FMN2: variants seen among roughly 807,000 people sequenced by gnomAD.
FMN2 encodes the protein formin-2.
Under a neutral mutation model 142.3 loss-of-function variants are expected in FMN2, and 51 were observed. That is an observed-to-expected ratio of 0.36 (90% confidence interval 0.29 to 0.45). The LOEUF (loss-of-function observed/expected upper bound fraction) is 0.45, where lower values mean the gene tolerates loss of function less well. Ranked by LOEUF, FMN2 falls within the 20% of genes least tolerant of loss-of-function variation. FMN2 has a pLI of 1.00. For synonymous variants in FMN2, 882 were observed against 869.8 expected, an observed-to-expected ratio of 1.01 and a Z score of -0.25; for missense variants, 1,936 against 2,122.8, an observed-to-expected ratio of 0.91 and a Z score of 1.73.
intron 11 of FMN2, among the ~76,000 whole-genome samples, chr1:240,332,455 T>C (rs1294351322): frequency 2.0e-5 from 3 of 152,092 alleles, no homozygotes; most frequent in African/African-American, 7.2e-5. Flanking sequence ...AAACAACTTT[T>C]GCAAATAACA....
chr1:240,177,530 A>G (rs1352104947), intron 2 of FMN2, among the ~76,000 whole-genome samples: 1 of 152,028 alleles, frequency 6.6e-6, no homozygotes, highest in Non-Finnish European at 1.5e-5. Context: ...TGACATTCCC[A>G]CAAGTATATA....
At chr1:240,219,848 G>C (rs541550015) in intron 6 of FMN2, among the ~76,000 whole-genome samples, 1 of 151,858 alleles carries the variant, frequency 6.6e-6, no homozygotes, top group Non-Finnish European at 1.5e-5. Context: ...TTGTAGGGAC[G>C]GGGAGTCGCC....
intron 16 of FMN2, among the ~76,000 whole-genome samples, chr1:240,439,105 T>G (rs188764654): frequency 5.6e-4 from 85 of 152,056 alleles, no homozygotes; most frequent in Non-Finnish European, 4.4e-4. Context: ...AAACCCTGTC[T>G]GTACTAAAAG....
intron 14 of FMN2, among the ~76,000 whole-genome samples, chr1:240,380,879 C>T (rs1050465785): frequency 3.3e-5 from 5 of 151,928 alleles, no homozygotes; most frequent in African/African-American, 1.2e-4. Flanking sequence ...AAAATAAGCA[C>T]AATCAGAAAT....
At chr1:240,284,858 A>G (rs1001041232) in intron 7 of FMN2, among the ~76,000 whole-genome samples, 1 of 152,114 alleles carries the variant, frequency 6.6e-6, no homozygotes, top group African/African-American at 2.4e-5. Flanking sequence ...CAAGTGCTTT[A>G]TATCTGGCAG....
chr1:240,431,399 G>A (rs1675165588), intron 15 of FMN2, among the ~76,000 whole-genome samples: 1 of 61,354 alleles, frequency 1.6e-5, no homozygotes, highest in African/African-American at 6.2e-5. Context: ...ATACAACCAT[G>A]TTTTATATAT....
chr1:240,366,410 A>G (rs182247674), intron 14 of FMN2, among the ~76,000 whole-genome samples: 4 of 152,330 alleles, frequency 2.6e-5, no homozygotes, highest in African/African-American at 7.2e-5. Context: ...CCCTGCTGCA[A>G]CTTAGTTTTT....
At chr1:240,260,538 A>G (rs1359667226) in intron 7 of FMN2, among the ~76,000 whole-genome samples, 1 of 151,876 alleles carries the variant, frequency 6.6e-6, no homozygotes, top group African/African-American at 2.4e-5. Context: ...TTTGTTGGCC[A>G]TTTGTATATC....
At chr1:240,192,755 C>T (rs1665753197) in intron 4 of FMN2, among the ~76,000 whole-genome samples, 1 of 151,898 alleles carries the variant, frequency 6.6e-6, no homozygotes, top group Admixed American at 6.6e-5. Flanking sequence ...GAAGAGAAGA[C>T]AGGATACCCT....
At chr1:240,436,542 T>C in intron 15 of FMN2, among the ~76,000 whole-genome samples, 1 of 152,018 alleles carries the variant, frequency 6.6e-6, no homozygotes, top group South Asian at 2.1e-4. Flanking sequence ...CCGGGCATGG[T>C]GGCAGGCACC....
In FMN2 at chr1:240,173,259, C is replaced by T. The variant is rs532746927; in HGVS notation, c.1783-4662C>T. 3.3e-4 allele frequency among the ~76,000 whole-genome samples: 50 copies of T among 152,244 alleles called. 1 individual carries two copies. In the South Asian group the frequency reaches 1.0e-2, roughly 30 times the overall value. Reference sequence around the variant, plus strand: ...CCTCAAGTGGCTTTTATGTAGTCATCATAGCACTGTCCAGAGCTAGGGGAG... The same window carrying T: ...CCTCAAGTGGCTTTTATGTAGTCATTATAGCACTGTCCAGAGCTAGGGGAG... On this transcript the variant is annotated intron_variant, in intron 2 of 17. Transcript: ENST00000319653.
At chr1:240,311,818 C>A (rs756615266) in intron 8 of FMN2, among the ~76,000 whole-genome samples, 4 of 152,066 alleles carry the variant, frequency 2.6e-5, no homozygotes, top group Admixed American at 6.6e-5. Context: ...ATATGTCGTT[C>A]CTGTTATTTT....
At chr1:240,322,723 C>T (rs994656842) in intron 8 of FMN2, among the ~76,000 whole-genome samples, 2 of 152,122 alleles carry the variant, frequency 1.3e-5, no homozygotes, top group African/African-American at 4.8e-5. Context: ...TGGAAGGGCA[C>T]TGTGGGGGAT....
chr1:240,446,735 G>A lies in FMN2; in HGVS notation c.5060+8525G>A, dbSNP rs549331216. On this transcript the variant is annotated intron_variant, in intron 16 of 17. Transcript: ENST00000319653. ...CAAATTAACAAATTGTTAGGTTTGC[G>A]TGGACTTCTGCTAGAGCCTGGATTT... Among the ~76,000 whole-genome samples the A allele has an allele frequency of 3.9e-5, 6 of 152,212 alleles. No homozygotes were observed. The East Asian group carries it at 5.8e-4, about 15-fold the overall frequency.
At position 240,351,345 on chromosome 1, in the gene FMN2, G is replaced by A. The variant is rs563605730; in HGVS notation, c.4766-4471G>A. ...GCCCAGAAGCAATAAGAATGCACATGACTTGAAACACCCAGACACTGGACA... is the reference window on the plus strand; with the variant it reads ...GCCCAGAAGCAATAAGAATGCACATAACTTGAAACACCCAGACACTGGACA... On this transcript the variant is annotated intron_variant, in intron 13 of 17. Coordinates refer to ENST00000319653, the MANE Select transcript of FMN2 (RefSeq NM_020066.5). 2.0e-5 allele frequency among the ~76,000 whole-genome samples: 3 copies of A among 152,262 alleles called. No individual in the cohort carries two copies. In the South Asian group the frequency reaches 6.2e-4, roughly 32 times the overall value.
In FMN2 at chr1:240,357,733, G is replaced by A. The variant is rs191427687; in HGVS notation, c.4858+1825G>A. ...AGTGATTCTCCTGCCTCAGCCTCCC[G>A]AGTAGCTGCAATTACAGGCACCCGC... On this transcript the variant is annotated intron_variant, in intron 14 of 17. Coordinates refer to ENST00000319653, the MANE Select transcript of FMN2 (RefSeq NM_020066.5). Among the ~76,000 whole-genome samples the A allele has an allele frequency of 5.5e-3, 830 of 150,948 alleles. 7 individuals carry two copies. The highest frequency in any genetic ancestry group is 0.02 in the African/African-American group (800 of 41,008).
chr1:240,263,108 C>T (rs528300363), intron 7 of FMN2, among the ~76,000 whole-genome samples: 5 of 152,250 alleles, frequency 3.3e-5, no homozygotes, highest in East Asian at 1.9e-4. Flanking sequence ...ACTACCAGAT[C>T]GAACTGAAGC....
intron 7 of FMN2, among the ~76,000 whole-genome samples, chr1:240,267,169 G>A (rs927882804): frequency 6.6e-6 from 1 of 151,896 alleles, no homozygotes; most frequent in Non-Finnish European, 1.5e-5. Flanking sequence ...CAACCTACAG[G>A]ATGGGAGAAA....
At chr1:240,363,887 G>C (rs762797821) in intron 14 of FMN2, among the ~76,000 whole-genome samples, 1 of 152,110 alleles carries the variant, frequency 6.6e-6, no homozygotes, top group Non-Finnish European at 1.5e-5. Flanking sequence ...GGCTCAGGCT[G>C]CAGGAGCAAG....
Sources: gnomAD v4.1 joint callset for allele counts (sites outside exome capture counted in the v4.1 genomes callset) on GRCh38, gnomAD v4.1.1 for gene constraint, MANE v1.5 for transcripts, NCBI Gene and HGNC (gene_info 2026-07-23, HGNC 2026-07-21) for gene names.